Variants in GSTCD observed in about 807,000 individuals in gnomAD.
The protein encoded by GSTCD is glutathione S-transferase C-terminal domain-containing protein.
Under a neutral mutation model 68.3 loss-of-function variants are expected in GSTCD, and 44 were observed. The ratio of observed to expected loss-of-function variants is 0.64; its 90% CI spans 0.51 to 0.83. GSTCD has a LOEUF of 0.83. Among genes scored for constraint, GSTCD ranks in the 40% least tolerant of loss-of-function variants. The probability of loss-of-function intolerance (pLI) is 0.00; values close to 1 mark genes in which losing one functional copy is unlikely to be tolerated. For missense variants in GSTCD, 739 were observed against 735.9 expected (o/e 1.00, Z -0.05); for synonymous variants, 273 against 255.2 (o/e 1.07, Z -0.67).
chr4:105,749,036 T>C (rs1036565294), intron 5 of GSTCD, among the ~76,000 whole-genome samples: 24 of 151,744 alleles, frequency 1.6e-4, no homozygotes, highest in African/African-American at 5.6e-4. Flanking sequence ...ATCTGGTGAG[T>C]TTTTAAAAAT....
intron 5 of GSTCD, among the ~76,000 whole-genome samples, chr4:105,780,270 T>C (rs1296466040): frequency 6.6e-6 from 1 of 152,176 alleles, no homozygotes; most frequent in Non-Finnish European, 1.5e-5. Context: ...TATAGGGAAT[T>C]TGAACTGAGA....
intron 8 of GSTCD, among the ~76,000 whole-genome samples, chr4:105,828,994 G>A (rs559806723): frequency 2.1e-4 from 32 of 152,146 alleles, no homozygotes; most frequent in African/African-American, 4.8e-4. Flanking sequence ...CAATGGTGAT[G>A]TGCCATACCA....
intron 3 of GSTCD, among the ~76,000 whole-genome samples, chr4:105,721,014 C>T (rs1254543601): frequency 1.3e-5 from 2 of 151,674 alleles, no homozygotes; most frequent in Admixed American, 6.6e-5. Context: ...GCTCTGTCAC[C>T]TAGGCTGTGT....
chr4:105,759,183 A>G (rs1327869546), intron 5 of GSTCD, among the ~76,000 whole-genome samples: 1 of 152,166 alleles, frequency 6.6e-6, no homozygotes. Context: ...CTCAGGTTAA[A>G]CAACATAGAG....
At chr4:105,767,320 C>T (rs186604800) in intron 5 of GSTCD, among the ~76,000 whole-genome samples, 161 of 152,202 alleles carry the variant, frequency 1.1e-3, no homozygotes, top group African/African-American at 3.8e-3. Flanking sequence ...TTACAGTTCA[C>T]TATGTATGGA....
At chr4:105,739,844 G>A (rs542236701) in intron 5 of GSTCD, among the ~76,000 whole-genome samples, 1 of 152,262 alleles carries the variant, frequency 6.6e-6, no homozygotes, top group East Asian at 1.9e-4. Context: ...CTAGGAGCAG[G>A]TGCAACCATG....
At chr4:105,821,639 C>T (rs1241403638) in intron 5 of GSTCD, among the ~76,000 whole-genome samples, 1 of 151,432 alleles carries the variant, frequency 6.6e-6, no homozygotes, top group Non-Finnish European at 1.5e-5. Context: ...TTGGGTACTT[C>T]AATTATAGTG....
At chr4:105,750,500 G>A (rs1049153343) in intron 5 of GSTCD, among the ~76,000 whole-genome samples, 1 of 150,832 alleles carries the variant, frequency 6.6e-6, no homozygotes, top group African/African-American at 2.4e-5. Flanking sequence ...AACACTGAAT[G>A]CTGACAAGGA....
chr4:105,756,242 A>G (rs925489952), intron 5 of GSTCD, among the ~76,000 whole-genome samples: 2 of 152,114 alleles, frequency 1.3e-5, no homozygotes, highest in African/African-American at 4.8e-5. Flanking sequence ...AGGGATTTTT[A>G]TGGAGGGTTT....
rs200198978 is a variant in GSTCD, at chr4:105,714,463, AT to A, written c.-21-3117del. On this transcript the variant is annotated intron_variant, in intron 1 of 11. Transcript: ENST00000515279. Reference sequence around the variant, plus strand: ...AGCTAGAAAAGAAAAAAGAGGAAGGATTTTTTTTTTTTTGCCTGTGATATTT... The same window carrying A: ...AGCTAGAAAAGAAAAAAGAGGAAGGATTTTTTTTTTTTGCCTGTGATATTT... Among the ~76,000 whole-genome samples, 616 of 144,078 alleles carry A rather than the reference AT, an allele frequency of 4.3e-3. 1 individual carries two copies. The highest frequency in any genetic ancestry group is 0.011 in the Middle Eastern group (3 of 282). The allele number at this position is 144,078 out of a possible 152,430, so 94.5% of individuals were successfully genotyped here.
chr4:105,826,206 C>G (rs987102664), intron 8 of GSTCD: 2 of 152,114 alleles, frequency 1.3e-5, no homozygotes, highest in East Asian at 1.9e-4. Context: ...CAAGCATTGC[C>G]TTGTGATTTT....
chr4:105,720,806 G>T (rs1411863260), intron 3 of GSTCD, among the ~76,000 whole-genome samples: 2 of 152,082 alleles, frequency 1.3e-5, no homozygotes, highest in Non-Finnish European at 2.9e-5. Context: ...GAAGTACTTG[G>T]TCTTCTGTCT....
intron 5 of GSTCD, among the ~76,000 whole-genome samples, chr4:105,744,772 C>G (rs1733745827): frequency 6.6e-6 from 1 of 152,082 alleles, no homozygotes; most frequent in African/African-American, 2.4e-5. Flanking sequence ...GTCCTGACTC[C>G]CTTTACTAGA....
intron 8 of GSTCD, among the ~76,000 whole-genome samples, chr4:105,829,527 C>T (rs6829915): frequency 0.19 from 28,677 of 152,124 alleles, 5,178 homozygotes; most frequent in African/African-American, 0.47. Flanking sequence ...AGCAAAGTCA[C>T]ATCTTACATG....
intron 5 of GSTCD, among the ~76,000 whole-genome samples, chr4:105,803,074 G>A (rs1736169344): frequency 6.6e-6 from 1 of 152,074 alleles, no homozygotes; most frequent in Non-Finnish European, 1.5e-5. Flanking sequence ...TTTTACAGAT[G>A]AAAGGCAAAT....
chr4:105,757,215 C>A (rs1390578877), intron 5 of GSTCD, among the ~76,000 whole-genome samples: 2 of 152,152 alleles, frequency 1.3e-5, no homozygotes, highest in Non-Finnish European at 2.9e-5. Context: ...ATTATAATAA[C>A]CCTTTATTGG....
intron 5 of GSTCD, among the ~76,000 whole-genome samples, chr4:105,798,138 C>T (rs1404371171): frequency 6.6e-6 from 1 of 152,048 alleles, no homozygotes; most frequent in Admixed American, 6.6e-5. Flanking sequence ...CAAGAAACCA[C>T]TTTTTTTGCT....
intron 5 of GSTCD, among the ~76,000 whole-genome samples, chr4:105,757,739 A>G (rs901998807): frequency 6.6e-6 from 1 of 152,150 alleles, no homozygotes; most frequent in Admixed American, 6.5e-5. Context: ...TAAATGCTGC[A>G]TTGTACCCAA....
At chr4:105,794,790 C>T (rs754389416) in intron 5 of GSTCD, among the ~76,000 whole-genome samples, 1 of 151,072 alleles carries the variant, frequency 6.6e-6, no homozygotes, top group Non-Finnish European at 1.5e-5. Flanking sequence ...TTATTTCTAC[C>T]ACGTTTGTTT....
Sources: gnomAD v4.1 joint callset for allele counts (sites outside exome capture counted in the v4.1 genomes callset) on GRCh38, gnomAD v4.1.1 for gene constraint, MANE v1.5 for transcripts, NCBI Gene and HGNC (gene_info 2026-07-23, HGNC 2026-07-21) for gene names.